Variants in LIPA observed in about 807,000 individuals in gnomAD.
The protein encoded by LIPA is lysosomal acid lipase/cholesteryl ester hydrolase.
In LIPA, 26 loss-of-function variants were observed where a neutral mutation model predicts 40.6. The observed-to-expected ratio is 0.64, with a 90% CI of 0.47 to 0.89. LIPA has a LOEUF of 0.89. Among genes scored for constraint, LIPA ranks in the 40% least tolerant of loss-of-function variants. The probability of loss-of-function intolerance (pLI) is 0.00; values close to 1 mark genes in which losing one functional copy is unlikely to be tolerated. For synonymous variants in LIPA, 188 were observed against 168.4 expected (o/e 1.12, Z -0.90); for missense variants, 455 against 479.6 (o/e 0.95, Z 0.48).
chr10:89,348,110 C>T (rs555025514), intron 2 of LIPA, among the ~76,000 whole-genome samples: 5 of 152,348 alleles, frequency 3.3e-5, no homozygotes, highest in African/African-American at 1.2e-4. Flanking sequence ...AGTGGATCCC[C>T]ACCTCCAACC....
chr10:89,265,510 G>A (rs1160200707), intron 1 of LIPA, among the ~76,000 whole-genome samples: 2 of 152,236 alleles, frequency 1.3e-5, no homozygotes, highest in African/African-American at 2.4e-5. Flanking sequence ...GTAGCTTTCA[G>A]CTACATAAAC....
At chr10:89,403,403 A>C in intron 2 of LIPA, 13 of 1,613,796 alleles carry the variant, frequency 8.1e-6, no homozygotes, top group Non-Finnish European at 1.1e-5. Flanking sequence ...TAGAAGAAAC[A>C]ATGCAAGACA....
chr10:89,368,834 A>G (rs1385736395), intron 2 of LIPA, among the ~76,000 whole-genome samples: 3 of 152,052 alleles, frequency 2.0e-5, no homozygotes, highest in Non-Finnish European at 4.4e-5. Flanking sequence ...GTAGACAGAG[A>G]AAGACATACC....
chr10:89,403,577 A>G, intron 2 of LIPA: 1 of 1,614,124 alleles, frequency 6.2e-7, no homozygotes, highest in Non-Finnish European at 8.5e-7. Context: ...GGAGAAAGGC[A>G]TTAGATCTGG....
At chr10:89,293,718 T>C (rs1397068162) in intron 1 of LIPA, 1 of 105,730 alleles carries the variant, frequency 9.5e-6, no homozygotes, top group African/African-American at 3.0e-5. Context: ...GAGAGAGATA[T>C]CTGAGGTCTC....
At chr10:89,311,636 T>A (rs1843516483) in intron 1 of LIPA, among the ~76,000 whole-genome samples, 1 of 151,966 alleles carries the variant, frequency 6.6e-6, no homozygotes. Flanking sequence ...TTGTAATATA[T>A]CTTCTAATTG....
At chr10:89,284,588 T>C (rs1051863935) in intron 1 of LIPA, 8 of 152,280 alleles carry the variant, frequency 5.3e-5, no homozygotes, top group South Asian at 2.1e-4. Context: ...ATGAATACTA[T>C]AGGCACACTA....
At chr10:89,337,899 A>C (rs7902096) in intron 1 of LIPA, among the ~76,000 whole-genome samples, 9,424 of 152,238 alleles carry the variant, frequency 0.062, 696 homozygotes, top group African/African-American at 0.18. Context: ...GATGGTACAA[A>C]AGTGATAATT....
intron 2 of LIPA, among the ~76,000 whole-genome samples, chr10:89,369,898 T>C (rs767611797): frequency 2.0e-5 from 3 of 152,234 alleles, no homozygotes; most frequent in Non-Finnish European, 4.4e-5. Flanking sequence ...CAAAGGTCAC[T>C]GTGCCCAGAA....
chr10:89,216,041 C>A, intron 8 of LIPA, 32 bp from the exon 9 acceptor site: 1 of 1,443,116 alleles, frequency 6.9e-7, no homozygotes, highest in East Asian at 2.3e-5. Context: ...AAAGAGTTAT[C>A]TGACACCAAA....
upstream of LIPA, among the ~76,000 whole-genome samples, chr10:89,346,246 G>A (rs950798405): frequency 6.6e-6 from 1 of 152,050 alleles, no homozygotes; most frequent in Non-Finnish European, 1.5e-5. Context: ...TACCCTTTAC[G>A]CAGCTTCCCA....
At chr10:89,325,279 A>C (rs894247416) in intron 1 of LIPA, among the ~76,000 whole-genome samples, 1 of 152,246 alleles carries the variant, frequency 6.6e-6, no homozygotes, top group Admixed American at 6.5e-5. Flanking sequence ...AATGTAAATT[A>C]GTTCAGTCAC....
At chr10:89,410,949 G>A (rs1303250437) in intron 2 of LIPA, among the ~76,000 whole-genome samples, 2 of 152,150 alleles carry the variant, frequency 1.3e-5, no homozygotes, top group African/African-American at 2.4e-5. Flanking sequence ...AGAGAGAGAC[G>A]AAGAAGTCAA....
chr10:89,379,666 A>G (rs1844147511), intron 2 of LIPA, among the ~76,000 whole-genome samples: 1 of 152,124 alleles, frequency 6.6e-6, no homozygotes. Context: ...GAAATTATAA[A>G]TGAAGGATTG....
At chr10:89,248,015 G>A (rs1022591774) in intron 1 of LIPA, among the ~76,000 whole-genome samples, 4 of 150,778 alleles carry the variant, frequency 2.7e-5, no homozygotes, top group African/African-American at 7.3e-5. Context: ...CAACAGGCAC[G>A]CACCACCACG....
intron 2 of LIPA, among the ~76,000 whole-genome samples, chr10:89,399,257 C>T (rs2133623895): frequency 1.3e-5 from 2 of 152,194 alleles, no homozygotes; most frequent in African/African-American, 4.8e-5. Flanking sequence ...GGTTCTTTAT[C>T]TATTCTGTAT....
At chr10:89,271,147 T>TG (rs775969690) in intron 1 of LIPA, among the ~76,000 whole-genome samples, 21 of 152,350 alleles carry the variant, frequency 1.4e-4, no homozygotes, top group Admixed American at 3.9e-4. Context: ...TGTCTTCTCA[T>TG]GGGGAGTTCC....
intron 1 of LIPA, chr10:89,338,881 C>A: frequency 1.2e-6 from 2 of 1,614,176 alleles, no homozygotes; most frequent in Non-Finnish European, 1.7e-6. Flanking sequence ...ATGCTTACGG[C>A]AAGCTGAAGA....
chr10:89,233,529 A>G (rs1172209548), intron 3 of LIPA, among the ~76,000 whole-genome samples: 1 of 152,238 alleles, frequency 6.6e-6, no homozygotes, highest in Non-Finnish European at 1.5e-5. Flanking sequence ...GTTTCGTGCA[A>G]ACCTTTAGTG....
Sources: allele counts gnomAD v4.1 joint callset (sites outside exome capture counted in the v4.1 genomes callset), GRCh38; gene constraint gnomAD v4.1.1; transcripts MANE v1.5; gene names NCBI Gene and HGNC (gene_info 2026-07-23, HGNC 2026-07-21).